Variants in KCNH8 observed in about 807,000 individuals in gnomAD.
KCNH8 encodes the protein potassium voltage-gated channel subfamily H member 8.
KCNH8 carries 70 observed loss-of-function variants against 103.6 expected under a neutral mutation model. The ratio of observed to expected loss-of-function variants is 0.68; its 90% CI spans 0.56 to 0.82. The LOEUF (loss-of-function observed/expected upper bound fraction) is 0.82, where lower values mean the gene tolerates loss of function less well. Ranked by LOEUF, KCNH8 falls within the 40% of genes least tolerant of loss-of-function variation. The pLI is 0.00. For synonymous variants in KCNH8, 498 were observed against 489.4 expected, an observed-to-expected ratio of 1.02 and a Z score of -0.23; for missense variants, 1,217 against 1,329.9, an observed-to-expected ratio of 0.92 and a Z score of 1.32.
At chr3:19,255,513 T>C (rs1281576724) in intron 2 of KCNH8, among the ~76,000 whole-genome samples, 1 of 151,828 alleles carries the variant, frequency 6.6e-6, no homozygotes, top group Non-Finnish European at 1.5e-5. Context: ...TGAATAGGAG[T>C]GGTAAGAGAG....
At chr3:19,236,622 T>C (rs561158239) in intron 1 of KCNH8, among the ~76,000 whole-genome samples, 3 of 152,318 alleles carry the variant, frequency 2.0e-5, no homozygotes, top group Admixed American at 2.0e-4. Context: ...TTCCTCAGAA[T>C]CTGGTAAAGG....
intron 11 of KCNH8, among the ~76,000 whole-genome samples, chr3:19,466,202 A>T (rs2067732563): frequency 6.6e-6 from 1 of 152,198 alleles, no homozygotes; most frequent in Non-Finnish European, 1.5e-5. Flanking sequence ...TTGGGATTAC[A>T]GGTGTTAGCC....
At position 19,403,361 on chromosome 3, in the gene KCNH8, AATATATATATAT is replaced by A. The variant is rs57523893; in HGVS notation, c.1177+8078_1177+8089del. ...CCCCCCATGAAATACATATGTAAAG[AATATATATATAT>A]ATATATATATATATATATATATATA... On this transcript the variant is annotated intron_variant, in intron 7 of 15. Transcript: ENST00000328405. Among the ~76,000 whole-genome samples, 402 of 124,640 alleles carry A rather than the reference AATATATATATAT, an allele frequency of 3.2e-3. 4 individuals carry two copies. Among genetic ancestry groups the A allele is most frequent in the African/African-American group, 9.5e-3 (347 of 36,662 alleles). 81.8% of individuals were successfully genotyped at this position (124,640 alleles called of 152,430 possible).
At chr3:19,240,566 C>G (rs1037197767) in intron 1 of KCNH8, among the ~76,000 whole-genome samples, 2 of 150,068 alleles carry the variant, frequency 1.3e-5, no homozygotes, top group Admixed American at 1.3e-4. Context: ...GAGCCGAGAT[C>G]GTGCCACTGT....
intron 1 of KCNH8, among the ~76,000 whole-genome samples, chr3:19,224,294 T>C (rs2063905757): frequency 6.6e-6 from 1 of 152,166 alleles, no homozygotes; most frequent in Non-Finnish European, 1.5e-5. Context: ...CTTATTTCAA[T>C]TATTATGTTT....
rs1486026525 is a variant in KCNH8 at position 19,513,065 on chromosome 3, C to T, written c.2175C>T (p.Val725=). 1 of 1,613,618 alleles carries T rather than the reference C, an allele frequency of 6.2e-7. No homozygotes were observed. Among genetic ancestry groups the T allele is most frequent in the Non-Finnish European group, 8.5e-7 (1 of 1,179,808 alleles). The change falls in exon 13 of 16, where the codon GTC becomes GTT. Residue 725 remains valine (V), a synonymous_variant. Coordinates refer to ENST00000328405, the MANE Select transcript of KCNH8 (RefSeq NM_144633.3). The part of the protein sequence containing the change: ...EEEEGEEEEA[V]SLSPICTRGS... ...AGGAGGGGGAGGAAGAGGAGGCAGTCTCCCTCTCTCCCATCTGCACAAGGG... is the reference window on the plus strand; with the variant it reads ...AGGAGGGGGAGGAAGAGGAGGCAGTTTCCCTCTCTCCCATCTGCACAAGGG...
At chr3:19,153,788 C>A (rs1201984237) in intron 1 of KCNH8, among the ~76,000 whole-genome samples, 1 of 151,982 alleles carries the variant, frequency 6.6e-6, no homozygotes, top group East Asian at 1.9e-4. Flanking sequence ...CCTGCCACTA[C>A]GCCTGGCTAA....
chr3:19,162,174 G>C (rs185302225), intron 1 of KCNH8, among the ~76,000 whole-genome samples: 2 of 151,840 alleles, frequency 1.3e-5, no homozygotes, highest in Admixed American at 1.3e-4. Context: ...TTAACAAATA[G>C]CAACTTTTTA....
intron 7 of KCNH8, among the ~76,000 whole-genome samples, chr3:19,428,456 T>C (rs1180092014): frequency 2.0e-5 from 3 of 152,194 alleles, no homozygotes; most frequent in Non-Finnish European, 4.4e-5. Context: ...GGATGCTGAA[T>C]TAATATATAG....
chr3:19,375,472 C>T (rs1345013703), intron 5 of KCNH8, among the ~76,000 whole-genome samples: 3 of 150,852 alleles, frequency 2.0e-5, no homozygotes, highest in Non-Finnish European at 4.4e-5. Flanking sequence ...CCTTTAAGCA[C>T]TTCTCTGTAT....
intron 1 of KCNH8, among the ~76,000 whole-genome samples, chr3:19,226,431 A>G (rs377567797): frequency 1.3e-5 from 2 of 152,312 alleles, no homozygotes; most frequent in African/African-American, 4.8e-5. Context: ...GATAATAAGC[A>G]AGGTCATCAG....
At chr3:19,289,997 T>A (rs2064894800) in intron 3 of KCNH8, among the ~76,000 whole-genome samples, 1 of 152,198 alleles carries the variant, frequency 6.6e-6, no homozygotes, top group Non-Finnish European at 1.5e-5. Context: ...TATTTTGTTC[T>A]CTTTGAAGCA....
chr3:19,430,580 G>A (rs567861978), intron 7 of KCNH8, among the ~76,000 whole-genome samples: 47 of 152,188 alleles, frequency 3.1e-4, no homozygotes, highest in African/African-American at 1.0e-3. Context: ...TGGGCAATAT[G>A]GCCATTTTAA....
intron 11 of KCNH8, among the ~76,000 whole-genome samples, chr3:19,486,645 C>T (rs993324839): frequency 1.2e-4 from 18 of 152,148 alleles, no homozygotes; most frequent in African/African-American, 4.3e-4. Context: ...TCCTAGGGCA[C>T]AGGCCAACGT....
chr3:19,292,162 T>G (rs2064937550), intron 3 of KCNH8, among the ~76,000 whole-genome samples: 1 of 152,218 alleles, frequency 6.6e-6, no homozygotes, highest in South Asian at 2.1e-4. Context: ...TGTTTATTTC[T>G]TGTTGAGTGT....
chr3:19,291,092 C>T (rs1304441145), intron 3 of KCNH8, among the ~76,000 whole-genome samples: 1 of 151,826 alleles, frequency 6.6e-6, no homozygotes, highest in South Asian at 2.1e-4. Context: ...TGGTGATATC[C>T]CCTTTATCAT....
At chr3:19,262,469 A>G (rs1460707763) in intron 2 of KCNH8, among the ~76,000 whole-genome samples, 8 of 152,048 alleles carry the variant, frequency 5.3e-5, no homozygotes, top group African/African-American at 1.9e-4. Flanking sequence ...AAAAGAGACA[A>G]TGATTTGGGT....
At chr3:19,357,793 A>ACT (rs1253905814) in intron 5 of KCNH8, among the ~76,000 whole-genome samples, 1 of 151,934 alleles carries the variant, frequency 6.6e-6, no homozygotes, top group East Asian at 1.9e-4. Flanking sequence ...TCAAAAAATC[A>ACT]CTGAGTTATT....
chr3:19,195,849 C>T (rs1212001071), intron 1 of KCNH8, among the ~76,000 whole-genome samples: 2 of 151,942 alleles, frequency 1.3e-5, no homozygotes, highest in Non-Finnish European at 2.9e-5. Context: ...CTTTCAGAAT[C>T]ATCAGTCTTG....
Sources: gnomAD v4.1 joint callset for allele counts (sites outside exome capture counted in the v4.1 genomes callset) on GRCh38, gnomAD v4.1.1 for gene constraint, MANE v1.5 for transcripts, NCBI Gene and HGNC (gene_info 2026-07-23, HGNC 2026-07-21) for gene names.